RYR2: variants seen among roughly 807,000 people sequenced by gnomAD.
RYR2 encodes cardiac muscle ryanodine receptor-calcium release channel.
Under a neutral mutation model 601.1 loss-of-function variants are expected in RYR2, and 227 were observed. The observed-to-expected ratio is 0.38, with a 90% CI of 0.34 to 0.42. The LOEUF is 0.42. Ranked by LOEUF, RYR2 falls within the 10% of genes least tolerant of loss-of-function variation. RYR2 has a pLI of 1.00. For missense variants in RYR2, 4,646 were observed against 6,156.5 expected, an observed-to-expected ratio of 0.75 and a Z score of 8.21; for synonymous variants, 2,223 against 2,175.1, an observed-to-expected ratio of 1.02 and a Z score of -0.61.
chr1:237,102,223 G>A (rs578099949), intron 1 of RYR2, among the ~76,000 whole-genome samples: 1 of 152,314 alleles, frequency 6.6e-6, no homozygotes, highest in Admixed American at 6.5e-5. Flanking sequence ...AGTGCTCCAA[G>A]GGAGCAAGGG....
At position 237,488,831 on chromosome 1, in the gene RYR2, C is replaced by T. The variant is rs1311860482; in HGVS notation, c.1709-2975C>T. On this transcript the variant is annotated intron_variant, in intron 17 of 104. Transcript: ENST00000366574. ...TTTTCAGACTCAGCCCGCCTGCACT[C>T]AGGTGAAATAAACAGCCTTGTTGCT... Among the ~76,000 whole-genome samples the T allele has an allele frequency of 5.9e-5, 9 of 152,196 alleles. No homozygotes were observed. In the East Asian group the frequency reaches 1.7e-3, roughly 29 times the overall value.
At chr1:237,572,599 C>T (rs541509961) in intron 29 of RYR2, among the ~76,000 whole-genome samples, 192 of 152,222 alleles carry the variant, frequency 1.3e-3, no homozygotes, top group African/African-American at 4.4e-3. Context: ...GTATCTCTAT[C>T]ATAGAGTTAA....
At chr1:237,068,448 C>T (rs1329821176) in intron 1 of RYR2, among the ~76,000 whole-genome samples, 1 of 152,130 alleles carries the variant, frequency 6.6e-6, no homozygotes, top group African/African-American at 2.4e-5. Context: ...AGCCTTTATT[C>T]TGATAACATT....
chr1:237,270,493 G>A lies in RYR2; in HGVS notation c.49-4G>A, dbSNP rs750038523. 1 of 1,572,360 alleles carries A rather than the reference G, an allele frequency of 6.4e-7. No individual in the cohort carries two copies. Among genetic ancestry groups the A allele is most frequent in the Non-Finnish European group, 8.6e-7 (1 of 1,157,974 alleles). The stretch of plus-strand genomic sequence containing the variant: ...TTTTTCCCTCTCTTTCTCCCCCTTT[G>A]CAGGATGATGAAGTGGTTCTGCAGT... On this transcript the variant is annotated splice_polypyrimidine_tract_variant and splice_region_variant and intron_variant, in intron 1 of 104. Coordinates refer to ENST00000366574, the MANE Select transcript of RYR2 (RefSeq NM_001035.3).
At chr1:237,546,846 G>A (rs1325109134) in intron 25 of RYR2, among the ~76,000 whole-genome samples, 1 of 151,454 alleles carries the variant, frequency 6.6e-6, no homozygotes, top group East Asian at 1.9e-4. Flanking sequence ...CACTATTCTA[G>A]GTGCTGGGGG....
intron 1 of RYR2, among the ~76,000 whole-genome samples, chr1:237,109,463 A>G (rs897326272): frequency 6.6e-6 from 1 of 152,030 alleles, no homozygotes; most frequent in South Asian, 2.1e-4. Context: ...TCTGTTTTGG[A>G]AAATCTAAGA....
chr1:237,721,951 C>A (rs1689756024), intron 73 of RYR2, among the ~76,000 whole-genome samples: 1 of 152,152 alleles, frequency 6.6e-6, no homozygotes, highest in Non-Finnish European at 1.5e-5. Context: ...ATGAAGATTT[C>A]ATATACGTTT....
intron 81 of RYR2, among the ~76,000 whole-genome samples, chr1:237,757,237 C>A (rs980115921): frequency 6.6e-6 from 1 of 151,914 alleles, no homozygotes; most frequent in African/African-American, 2.4e-5. Context: ...GCCTAATAAA[C>A]CAGATGTCAA....
intron 24 of RYR2, among the ~76,000 whole-genome samples, chr1:237,522,126 CT>C (rs1667150877): frequency 6.6e-6 from 1 of 152,154 alleles, no homozygotes; most frequent in African/African-American, 2.4e-5. Flanking sequence ...CCCGCTCCCC[CT>C]ACCCCACAAC....
At chr1:237,058,998 C>T (rs1251450555) in intron 1 of RYR2, among the ~76,000 whole-genome samples, 3 of 151,916 alleles carry the variant, frequency 2.0e-5, no homozygotes, top group African/African-American at 4.8e-5. Context: ...TCTAGCAGAA[C>T]GAGAAATCTG....
rs1449977491 is a variant in RYR2, at chr1:237,701,983, G to C, written c.9373G>C (p.Asp3125His). ...GAGATTCTCTTTTTCCTTAGTGGAA[G>C]ATGTCCAGGTGTCTTGTTATAGAAT... is the stretch of plus-strand genomic sequence containing the variant. Reference protein sequence around the residue: ...HQFGEDLILEDVQVSCYRILT... With the variant: ...HQFGEDLILEHVQVSCYRILT... The change falls in exon 66 of 105, where the codon GAT (aspartate) becomes CAT (histidine). Residue 3125 changes from aspartate to histidine, a missense_variant. By Grantham distance (81) the Asp-to-His change is moderately conservative. Coordinates refer to ENST00000366574, the MANE Select transcript of RYR2 (RefSeq NM_001035.3). 1 of 1,590,450 alleles carries C rather than the reference G, an allele frequency of 6.3e-7. No individual in the cohort carries two copies. The highest frequency in any genetic ancestry group is 1.3e-5 in the African/African-American group (1 of 74,264).
chr1:237,610,721 A>G lies in RYR2; in HGVS notation c.4684-41A>G, dbSNP rs1445470536. 2 of 1,485,030 alleles carry G rather than the reference A, an allele frequency of 1.3e-6. No homozygotes were observed. The highest frequency in any genetic ancestry group is 1.2e-5 in the South Asian group (1 of 81,206). 92.0% of individuals were successfully genotyped at this position (1,485,030 alleles called of 1,614,324 possible). A position where few individuals can be genotyped will look rare whatever the true frequency, so the allele number is the denominator to read the frequency against. On this transcript the variant is annotated intron_variant, in intron 35 of 104. Coordinates refer to ENST00000366574, the MANE Select transcript of RYR2 (RefSeq NM_001035.3). The surrounding 1 kb of genome is among the most constrained non-coding windows in gnomAD (Gnocchi z 4.9). Reference sequence around the variant, plus strand: ...GTCATTACTTTGTGAACCCCAAGGGATGTTCTACATTTATTCTTTTTCTGC... The same window carrying G: ...GTCATTACTTTGTGAACCCCAAGGGGTGTTCTACATTTATTCTTTTTCTGC...
chr1:237,556,099 C>A (rs150214021), intron 27 of RYR2, among the ~76,000 whole-genome samples: 1 of 151,948 alleles, frequency 6.6e-6, no homozygotes, highest in African/African-American at 2.4e-5. Flanking sequence ...GTAGCTAATA[C>A]GTATTAATAA....
intron 10 of RYR2, among the ~76,000 whole-genome samples, chr1:237,406,210 T>C (rs1205160405): frequency 0.12 from 4,013 of 33,538 alleles, 315 homozygotes; most frequent in African/African-American, 0.25. Flanking sequence ...CTCCCCTCCC[T>C]TCCCCTCCCC....
intron 8 of RYR2, among the ~76,000 whole-genome samples, chr1:237,380,381 TA>T (rs1701376856): frequency 6.2e-5 from 1 of 16,156 alleles, no homozygotes; most frequent in African/African-American, 2.1e-4. Context: ...TATATATATA[TA>T]TATATATATA....
chr1:237,496,561 A>G lies in RYR2; in HGVS notation c.2012A>G (p.Lys671Arg). The change falls in exon 20 of 105, where the codon AAG becomes AGG. Residue 671 changes from lysine to arginine, a missense_variant. Coordinates refer to ENST00000366574, the MANE Select transcript of RYR2 (RefSeq NM_001035.3). Reference protein sequence around the residue: ...LGVSEGSAQYKKWYYELMVDH... With the variant: ...LGVSEGSAQYRKWYYELMVDH... ...GTCAGTGAAGGTTCTGCTCAGTATA[A>G]GAAATGGTACTATGAATTGATGGTG... is the stretch of plus-strand genomic sequence containing the variant. 1 of 1,614,042 alleles carries G rather than the reference A, an allele frequency of 6.2e-7. No homozygotes were observed. Among genetic ancestry groups the G allele is most frequent in the Non-Finnish European group, 8.5e-7 (1 of 1,179,900 alleles).
chr1:237,730,774 A>T (rs1041053465), intron 77 of RYR2, among the ~76,000 whole-genome samples: 4 of 152,158 alleles, frequency 2.6e-5, no homozygotes, highest in African/African-American at 7.2e-5. Flanking sequence ...GCAGAGAATG[A>T]TAGACTGAAC....
intron 10 of RYR2, among the ~76,000 whole-genome samples, chr1:237,397,667 G>A (rs768922485): frequency 6.6e-6 from 1 of 151,936 alleles, no homozygotes. Context: ...GACCTGTAGG[G>A]GTAGGGGACT....
At chr1:237,529,900 T>A (rs1667963945) in intron 24 of RYR2, among the ~76,000 whole-genome samples, 3 of 151,686 alleles carry the variant, frequency 2.0e-5, no homozygotes, top group South Asian at 2.1e-4. Context: ...TTAGAAGAAG[T>A]TGGAGGGAGA....
Sources: allele counts gnomAD v4.1 joint callset (sites outside exome capture counted in the v4.1 genomes callset), GRCh38; gene constraint gnomAD v4.1.1; non-coding constraint Gnocchi (gnomAD v3.1); transcripts MANE v1.5; gene names NCBI Gene and HGNC (gene_info 2026-07-23, HGNC 2026-07-21).